STXBP6: variants seen among roughly 807,000 people sequenced by gnomAD.
The protein encoded by STXBP6 is syntaxin binding protein 6, also known as syntaxin-binding protein 6.
In STXBP6, 21 loss-of-function variants were observed where a neutral mutation model predicts 26.9. That is an observed-to-expected ratio of 0.78 (90% CI 0.55 to 1.12). STXBP6 has a LOEUF of 1.12. STXBP6 is among the 50% of genes most tolerant of loss of function. STXBP6 has a pLI of 0.00. For synonymous variants in STXBP6, 97 were observed against 92.6 expected, an observed-to-expected ratio of 1.05 and a Z score of -0.27; for missense variants, 232 against 257.9, an observed-to-expected ratio of 0.90 and a Z score of 0.69.
At chr14:25,000,800 A>G (rs2074742268) in intron 1 of STXBP6, among the ~76,000 whole-genome samples, 1 of 150,724 alleles carries the variant, frequency 6.6e-6, no homozygotes, top group African/African-American at 2.4e-5. Flanking sequence ...AGAGAGGCCA[A>G]GAAGAATCCA....
intron 4 of STXBP6, among the ~76,000 whole-genome samples, chr14:24,820,043 A>G (rs1363274210): frequency 6.6e-6 from 1 of 152,256 alleles, no homozygotes; most frequent in East Asian, 1.9e-4. Flanking sequence ...ACTGGGCAGC[A>G]AAATTCAATA....
intron 2 of STXBP6, among the ~76,000 whole-genome samples, chr14:24,919,623 T>C (rs905817580): frequency 4.6e-5 from 7 of 151,944 alleles, no homozygotes; most frequent in African/African-American, 1.7e-4. Context: ...TATTTTGCGC[T>C]ACAACAATTT....
intron 2 of STXBP6, among the ~76,000 whole-genome samples, chr14:24,955,658 G>C (rs147711590): frequency 1.3e-5 from 2 of 152,140 alleles, no homozygotes; most frequent in Non-Finnish European, 2.9e-5. Flanking sequence ...GTAAGGAAGT[G>C]AGGGTGCTCC....
intron 1 of STXBP6, among the ~76,000 whole-genome samples, chr14:24,980,616 C>T (rs1663409189): frequency 6.6e-6 from 1 of 152,154 alleles, no homozygotes; most frequent in Admixed American, 6.5e-5. Context: ...CTCTTTATTG[C>T]TACAAACAAG....
chr14:24,848,413 T>A (rs1470266870), intron 4 of STXBP6, among the ~76,000 whole-genome samples: 2 of 152,134 alleles, frequency 1.3e-5, no homozygotes, highest in African/African-American at 4.8e-5. Context: ...TATTTATGTC[T>A]TCTGGTTGAT....
At chr14:24,870,461 CAG>C (rs1368835635) in intron 2 of STXBP6, among the ~76,000 whole-genome samples, 14 of 152,276 alleles carry the variant, frequency 9.2e-5, no homozygotes, top group Admixed American at 7.8e-4. Flanking sequence ...CAAGGTAATA[CAG>C]AGTTATAGAG....
At chr14:25,008,424 T>C (rs1802735937) in intron 1 of STXBP6, among the ~76,000 whole-genome samples, 1 of 152,060 alleles carries the variant, frequency 6.6e-6, no homozygotes, top group Non-Finnish European at 1.5e-5. Context: ...GTCGAGGCTG[T>C]AGTGAGCCAT....
At chr14:25,002,929 G>A (rs1388746120) in intron 1 of STXBP6, among the ~76,000 whole-genome samples, 4 of 151,658 alleles carry the variant, frequency 2.6e-5, no homozygotes, top group Non-Finnish European at 4.4e-5. Flanking sequence ...GTTTCACCAT[G>A]TTGGCCAGGT....
Position 25,038,085 on chromosome 14 carries a change from TCA to T in STXBP6, c.-33+11791_-33+11792del, listed in dbSNP as rs899906631. 8.1e-5 allele frequency among the ~76,000 whole-genome samples: 12 copies of T among 148,786 alleles called. No homozygotes were observed. The Admixed American group carries it at 8.2e-4, about 10-fold the overall frequency. On this transcript the variant is annotated intron_variant, in intron 1 of 5. Coordinates refer to ENST00000323944, the MANE Select transcript of STXBP6 (RefSeq NM_001394410.1). ...AAAATACGAACACACACACACACAC[TCA>T]CACACACAACTGAAACATAAACAAG...
chr14:24,954,935 G>A (rs2073291046), intron 2 of STXBP6, among the ~76,000 whole-genome samples: 1 of 152,116 alleles, frequency 6.6e-6, no homozygotes, highest in Non-Finnish European at 1.5e-5. Flanking sequence ...TGTGACACTG[G>A]GCAAGTTACT....
chr14:24,855,495 T>C (rs951087703), intron 4 of STXBP6, among the ~76,000 whole-genome samples: 5 of 152,092 alleles, frequency 3.3e-5, no homozygotes, highest in Non-Finnish European at 7.4e-5. Context: ...GAGTTGCTTT[T>C]GAAAGAAAGG....
At chr14:24,835,286 T>C (rs1483008912) in intron 4 of STXBP6, among the ~76,000 whole-genome samples, 1 of 152,208 alleles carries the variant, frequency 6.6e-6, no homozygotes, top group African/African-American at 2.4e-5. Flanking sequence ...TGAGAAGTAA[T>C]GTTTTATTTG....
At chr14:24,881,552 C>T (rs1342133169) in intron 2 of STXBP6, among the ~76,000 whole-genome samples, 3 of 152,106 alleles carry the variant, frequency 2.0e-5, no homozygotes, top group Non-Finnish European at 4.4e-5. Flanking sequence ...TATAAAGACA[C>T]AACTTACTAT....
intron 1 of STXBP6, among the ~76,000 whole-genome samples, chr14:24,977,856 C>T (rs965279439): frequency 2.6e-5 from 4 of 152,178 alleles, no homozygotes; most frequent in Non-Finnish European, 5.9e-5. Flanking sequence ...AGACCCTCCA[C>T]CTACAGATAA....
At chr14:24,854,679 C>G (rs1022855949) in intron 4 of STXBP6, among the ~76,000 whole-genome samples, 3 of 152,102 alleles carry the variant, frequency 2.0e-5, no homozygotes, top group Admixed American at 6.6e-5. Context: ...CTTCAACCTT[C>G]TGCCAAGTCC....
intron 2 of STXBP6, among the ~76,000 whole-genome samples, chr14:24,917,941 T>C (rs1304861859): frequency 2.0e-5 from 3 of 152,094 alleles, no homozygotes; most frequent in Non-Finnish European, 4.4e-5. Flanking sequence ...AGGTGAGATG[T>C]GTCCAAGCTG....
At chr14:24,888,542 T>C (rs575838208) in intron 2 of STXBP6, among the ~76,000 whole-genome samples, 183 of 152,052 alleles carry the variant, frequency 1.2e-3, no homozygotes, top group Middle Eastern at 3.4e-3. Flanking sequence ...GCTAATATGG[T>C]GAAACCCCAT....
Position 24,811,389 on chromosome 14 carries a change from G to A in STXBP6, c.*1320C>T, listed in dbSNP as rs1344505677. The A allele has an allele frequency of 2.0e-5, 3 of 152,160 alleles. No individual in the cohort carries two copies. Among genetic ancestry groups the A allele is most frequent in the Non-Finnish European group, 4.4e-5 (3 of 68,030 alleles). The allele number at this position is 152,160 out of a possible 1,614,324, so 9.4% of individuals were successfully genotyped here. On this transcript the variant is annotated 3_prime_UTR_variant, in exon 6 of 6. Transcript: ENST00000323944. ...GCTTAAAAATCAATGCGCTGCAGTGGTAGGCTTACAATGTGTCTGAGATGT... is the reference window on the plus strand; with the variant it reads ...GCTTAAAAATCAATGCGCTGCAGTGATAGGCTTACAATGTGTCTGAGATGT...
At chr14:24,835,266 C>G (rs1371916317) in intron 4 of STXBP6, among the ~76,000 whole-genome samples, 1 of 152,142 alleles carries the variant, frequency 6.6e-6, no homozygotes, top group Non-Finnish European at 1.5e-5. Flanking sequence ...ACTCACAGAT[C>G]TTCTTCGAGT....
Sources: allele counts gnomAD v4.1 joint callset (sites outside exome capture counted in the v4.1 genomes callset), GRCh38; gene constraint gnomAD v4.1.1; transcripts MANE v1.5; gene names NCBI Gene and HGNC (gene_info 2026-07-23, HGNC 2026-07-21).